Variants in OCA2 observed in about 807,000 individuals in gnomAD.
OCA2 encodes P protein.
In OCA2, 77 loss-of-function variants were observed where a neutral mutation model predicts 100.2. That is an observed-to-expected ratio of 0.77 (90% confidence interval 0.64 to 0.93). The LOEUF (loss-of-function observed/expected upper bound fraction) is 0.93, where lower values mean the gene tolerates loss of function less well. Among genes scored for constraint, OCA2 ranks in the 40% least tolerant of loss-of-function variants. The pLI is 0.00. For missense variants in OCA2, 1,062 were observed against 1,089.1 expected, an observed-to-expected ratio of 0.98 and a Z score of 0.35; for synonymous variants, 432 against 439.2, an observed-to-expected ratio of 0.98 and a Z score of 0.21.
Position 27,924,242 on chromosome 15 carries a change from T to G in OCA2, c.2079+1885A>C, listed in dbSNP as rs543997217. Among the ~76,000 whole-genome samples, 11 of 152,220 alleles carry G rather than the reference T, an allele frequency of 7.2e-5. 1 individual carries two copies. In the South Asian group the frequency reaches 1.9e-3, roughly 26 times the overall value. On this transcript the variant is annotated intron_variant, in intron 19 of 23. Transcript: ENST00000354638. ...GTGACATACCTAACTTTGACTTAAT[T>G]TTTTTCAATATTTCTAAGCTATGCA...
Position 27,957,476 on chromosome 15 carries a change from G to A in OCA2, c.1784+112C>T, listed in dbSNP as rs1282393176. On this transcript the variant is annotated intron_variant, in intron 16 of 23. Transcript: ENST00000354638. The surrounding 1 kb of genome is among the most constrained non-coding windows in gnomAD (Gnocchi z 4.3). ...TGTACTATAAGAGGCTTAGCACAGT[G>A]TGCGTCACCTAAATATCACGTATTA... 2 of 1,271,446 alleles carry A rather than the reference G, an allele frequency of 1.6e-6. No homozygotes were observed. The highest frequency in any genetic ancestry group is 1.5e-5 in the African/African-American group (1 of 68,518). The allele number at this position is 1,271,446 out of a possible 1,614,324, so 78.8% of individuals were successfully genotyped here. A position where few individuals can be genotyped will look rare whatever the true frequency, so the allele number is the denominator to read the frequency against.
intron 1 of OCA2, among the ~76,000 whole-genome samples, chr15:28,092,902 C>T (rs941340008): frequency 2.0e-5 from 3 of 152,024 alleles, no homozygotes; most frequent in Admixed American, 2.0e-4. Context: ...TAACATTACG[C>T]CTAATGGTGA....
chr15:28,028,081 G>T, intron 3 of OCA2, 22 bp from the exon 4 acceptor site: 1 of 1,613,188 alleles, frequency 6.2e-7, no homozygotes, highest in Non-Finnish European at 8.5e-7. Context: ...GAGAGGTGTG[G>T]TTATCTCTCC....
At chr15:28,004,778 C>T (rs1160390052) in intron 9 of OCA2, among the ~76,000 whole-genome samples, 1 of 149,854 alleles carries the variant, frequency 6.7e-6, no homozygotes, top group African/African-American at 2.5e-5. Context: ...CACACACCCT[C>T]GCTGTGACTC....
chr15:28,092,762 C>A (rs112943525), intron 1 of OCA2, among the ~76,000 whole-genome samples: 3 of 152,128 alleles, frequency 2.0e-5, no homozygotes, highest in Non-Finnish European at 4.4e-5. Flanking sequence ...ATGGTGATAT[C>A]AATTGATGCA....
chr15:27,859,443 A>G (rs969350185), intron 21 of OCA2, among the ~76,000 whole-genome samples: 3 of 152,202 alleles, frequency 2.0e-5, no homozygotes, highest in Non-Finnish European at 4.4e-5. Flanking sequence ...AAATTTCTAG[A>G]AATACACAAT....
At chr15:28,053,811 T>C (rs929708812) in intron 2 of OCA2, among the ~76,000 whole-genome samples, 6 of 152,234 alleles carry the variant, frequency 3.9e-5, no homozygotes, top group Admixed American at 3.9e-4. Flanking sequence ...ATTGTTGTTA[T>C]GTCCATCTTA....
In OCA2 at chr15:28,098,537, T is replaced by G. The variant is rs528908029; in HGVS notation, c.-22+687A>C. Among the ~76,000 whole-genome samples, 50 of 152,324 alleles carry G rather than the reference T, an allele frequency of 3.3e-4. No individual in the cohort carries two copies. The East Asian group carries it at 5.6e-3, about 17-fold the overall frequency. On this transcript the variant is annotated intron_variant, in intron 1 of 23. Transcript: ENST00000354638. ...ATCTACACATTGTAGACTGTCACAT[T>G]GGTCTAAGTAGTGCTCCTCAAAGTG...
intron 23 of OCA2, among the ~76,000 whole-genome samples, chr15:27,761,802 A>C (rs2030864422): frequency 6.6e-6 from 1 of 152,200 alleles, no homozygotes. Flanking sequence ...ACAGAACCTG[A>C]AAACAGACCC....
chr15:27,950,279 C>T (rs1026847619), intron 18 of OCA2, among the ~76,000 whole-genome samples: 3 of 152,202 alleles, frequency 2.0e-5, no homozygotes, highest in African/African-American at 7.2e-5. Flanking sequence ...TGGAACCTCT[C>T]TGCCCACAAA....
chr15:27,981,318 T>A (rs1169396467), intron 14 of OCA2, among the ~76,000 whole-genome samples: 2 of 152,232 alleles, frequency 1.3e-5, no homozygotes. Context: ...TCAAATGGTT[T>A]GTATCATCGC....
intron 21 of OCA2, among the ~76,000 whole-genome samples, chr15:27,858,062 A>G (rs908221753): frequency 2.0e-5 from 3 of 152,228 alleles, no homozygotes; most frequent in African/African-American, 7.2e-5. Context: ...GAAACAAAAA[A>G]TCTAAGATAT....
At chr15:27,983,875 C>A (rs2041254097) in intron 13 of OCA2, among the ~76,000 whole-genome samples, 1 of 151,878 alleles carries the variant, frequency 6.6e-6, no homozygotes, top group Non-Finnish European at 1.5e-5. Flanking sequence ...CAGCCCCTTT[C>A]CCACCTCCCC....
At chr15:27,871,827 T>G (rs759495444) in intron 20 of OCA2, 36 bp downstream of exon 20, 5 of 1,351,112 alleles carry the variant, frequency 3.7e-6, no homozygotes, top group Non-Finnish European at 5.3e-6. Flanking sequence ...CAAAGAACAG[T>G]GGCTGGAGTG....
intron 19 of OCA2, among the ~76,000 whole-genome samples, chr15:27,922,680 G>GTGTGTGTGTGTGTGTGTGT: frequency 6.8e-6 from 1 of 147,114 alleles, no homozygotes; most frequent in Non-Finnish European, 1.5e-5. Flanking sequence ...TTTTGTTTGG[G>GTGTGTGTGTGTGTGTGTGT]GTGTGTGTGT....
At chr15:27,857,767 A>C (rs1332180745) in intron 21 of OCA2, among the ~76,000 whole-genome samples, 1 of 152,182 alleles carries the variant, frequency 6.6e-6, no homozygotes, top group Non-Finnish European at 1.5e-5. Flanking sequence ...AGAGACAGGA[A>C]AAATATTTAA....
At chr15:27,923,391 A>C (rs2038936010) in intron 19 of OCA2, among the ~76,000 whole-genome samples, 3 of 152,152 alleles carry the variant, frequency 2.0e-5, no homozygotes, top group African/African-American at 7.2e-5. Flanking sequence ...CCTGAGTCAA[A>C]TGGCAATTCA....
chr15:27,835,633 G>C (rs1224541982), intron 23 of OCA2, among the ~76,000 whole-genome samples: 2 of 152,240 alleles, frequency 1.3e-5, no homozygotes, highest in Admixed American at 1.3e-4. Flanking sequence ...GAGTGGGACA[G>C]GTGACTTTAC....
intron 1 of OCA2, among the ~76,000 whole-genome samples, chr15:28,095,432 TG>T (rs2044957106): frequency 6.6e-6 from 1 of 152,072 alleles, no homozygotes; most frequent in Non-Finnish European, 1.5e-5. Flanking sequence ...TTAAGAACAT[TG>T]TGGCCGGGCG....
Sources: gnomAD v4.1 joint callset for allele counts (sites outside exome capture counted in the v4.1 genomes callset) on GRCh38, gnomAD v4.1.1 for gene constraint, Gnocchi (gnomAD v3.1) non-coding constraint, MANE v1.5 for transcripts, NCBI Gene and HGNC (gene_info 2026-07-23, HGNC 2026-07-21) for gene names.